TMEM132B: variants seen among roughly 807,000 people sequenced by gnomAD.
TMEM132B encodes transmembrane protein 132B.
Under a neutral mutation model 90.8 loss-of-function variants are expected in TMEM132B, and 18 were observed. That is an observed-to-expected ratio of 0.20 (90% confidence interval 0.14 to 0.29). The LOEUF is 0.29. TMEM132B is among the 10% of genes least tolerant of loss of function. TMEM132B has a pLI of 1.00. For missense variants in TMEM132B, 1,096 were observed against 1,326.8 expected, an observed-to-expected ratio of 0.83 and a Z score of 2.70; for synonymous variants, 504 against 523.3, an observed-to-expected ratio of 0.96 and a Z score of 0.50.
chr12:125,603,866 T>C (rs1183525065), intron 5 of TMEM132B, among the ~76,000 whole-genome samples: 2 of 152,154 alleles, frequency 1.3e-5, no homozygotes, highest in African/African-American at 2.4e-5. Flanking sequence ...CACTGATCAT[T>C]AGAGAAATGC....
chr12:125,315,450 C>T (rs1252876477), intron 1 of TMEM132B, among the ~76,000 whole-genome samples: 3 of 152,182 alleles, frequency 2.0e-5, no homozygotes, highest in East Asian at 1.9e-4. Context: ...CCGCCTGCCT[C>T]GGCCTCCCAA....
At chr12:125,386,207 T>C (rs1878827774) in intron 2 of TMEM132B, among the ~76,000 whole-genome samples, 1 of 152,174 alleles carries the variant, frequency 6.6e-6, no homozygotes, top group Admixed American at 6.5e-5. Flanking sequence ...AGTCTGGTCT[T>C]GAACTCTTGG....
chr12:125,623,143 C>T (rs553357068), intron 5 of TMEM132B, among the ~76,000 whole-genome samples: 19 of 152,246 alleles, frequency 1.2e-4, no homozygotes, highest in South Asian at 8.3e-4. Flanking sequence ...AGATCATCAA[C>T]GCCCAATCCC....
chr12:125,397,060 C>T (rs930173808), intron 2 of TMEM132B, among the ~76,000 whole-genome samples: 1 of 152,034 alleles, frequency 6.6e-6, no homozygotes, highest in Non-Finnish European at 1.5e-5. Flanking sequence ...CAATCTCCCC[C>T]TCCCAGGTTC....
chr12:125,360,936 C>G (rs55817785), intron 2 of TMEM132B, among the ~76,000 whole-genome samples: 1,883 of 152,146 alleles, frequency 0.012, 44 homozygotes, highest in African/African-American at 0.042. Context: ...CACTCCACCT[C>G]TCTGAGCCTT....
Position 125,656,710 on chromosome 12 carries a change from A to G in TMEM132B, c.*2000A>G, listed in dbSNP as rs1887069516. The G allele has an allele frequency of 6.6e-6, 1 of 152,214 alleles. No individual in the cohort carries two copies. The highest frequency in any genetic ancestry group is 2.4e-5 in the African/African-American group (1 of 41,454). 9.4% of individuals were successfully genotyped at this position (152,214 alleles called of 1,614,324 possible). On this transcript the variant is annotated 3_prime_UTR_variant, in exon 9 of 9. Transcript: ENST00000682704. ...TCCTCAGTCAGCCAAAAGCTTTTCA[A>G]AGAGTTTGGTGCAGAGGTAGCTCAG... is the stretch of plus-strand genomic sequence containing the variant.
chr12:125,245,592 C>A (rs968148697), intron 1 of TMEM132B, among the ~76,000 whole-genome samples: 1 of 152,144 alleles, frequency 6.6e-6, no homozygotes, highest in Non-Finnish European at 1.5e-5. Flanking sequence ...AGCAGCTGCT[C>A]CCCGGCAGGA....
intron 2 of TMEM132B, among the ~76,000 whole-genome samples, chr12:125,377,659 C>A (rs1046790293): frequency 6.6e-6 from 1 of 152,076 alleles, no homozygotes; most frequent in Non-Finnish European, 1.5e-5. Flanking sequence ...AATTTTTATT[C>A]CACTATATAG....
rs148970743 is a variant in TMEM132B at position 125,467,702 on chromosome 12, A to G, written c.1107-51737A>G. On this transcript the variant is annotated intron_variant, in intron 3 of 8. Transcript: ENST00000682704. ...GCTGTAGAACCATTTATTCACTCTAATTACAAAACTATTTCGTCACCCTGT... is the reference window on the plus strand; with the variant it reads ...GCTGTAGAACCATTTATTCACTCTAGTTACAAAACTATTTCGTCACCCTGT... 1.4e-4 allele frequency among the ~76,000 whole-genome samples: 21 copies of G among 152,330 alleles called. No homozygotes were observed. In the East Asian group the frequency reaches 4.0e-3, roughly 29 times the overall value.
intron 1 of TMEM132B, among the ~76,000 whole-genome samples, chr12:125,219,273 C>T (rs570401823): frequency 3.3e-5 from 5 of 152,182 alleles, no homozygotes; most frequent in African/African-American, 4.8e-5. Flanking sequence ...ACCGACAGCT[C>T]GAGATGGTCT....
intron 2 of TMEM132B, among the ~76,000 whole-genome samples, chr12:125,393,621 C>T (rs532595817): frequency 1.6e-4 from 24 of 152,138 alleles, no homozygotes; most frequent in Non-Finnish European, 2.9e-4. Flanking sequence ...CCACATCAGT[C>T]GGGGTTCAGG....
At chr12:125,468,786 A>T (rs1480019763) in intron 3 of TMEM132B, among the ~76,000 whole-genome samples, 1 of 152,202 alleles carries the variant, frequency 6.6e-6, no homozygotes, top group Admixed American at 6.5e-5. Context: ...GTTTTAAAAA[A>T]AATTTTCTGC....
At chr12:125,568,618 C>T (rs904323663) in intron 4 of TMEM132B, among the ~76,000 whole-genome samples, 1 of 152,234 alleles carries the variant, frequency 6.6e-6, no homozygotes, top group African/African-American at 2.4e-5. Context: ...AGAATCTCCT[C>T]AAGTGTCGCA....
chr12:125,297,186 A>G (rs1240393600), intron 1 of TMEM132B, among the ~76,000 whole-genome samples: 1 of 152,172 alleles, frequency 6.6e-6, no homozygotes, highest in African/African-American at 2.4e-5. Context: ...TTTCCTACCC[A>G]GTGAGACAAC....
At chr12:125,505,942 A>G (rs1882837448) in intron 3 of TMEM132B, among the ~76,000 whole-genome samples, 1 of 152,232 alleles carries the variant, frequency 6.6e-6, no homozygotes, top group Non-Finnish European at 1.5e-5. Context: ...TTGAAGAGGT[A>G]ATGCTTATAA....
chr12:125,253,005 A>G (rs1874350158), intron 1 of TMEM132B, among the ~76,000 whole-genome samples: 1 of 152,220 alleles, frequency 6.6e-6, no homozygotes, highest in Non-Finnish European at 1.5e-5. Flanking sequence ...CTGTGTCTGG[A>G]GCCCCGTGGA....
intron 4 of TMEM132B, among the ~76,000 whole-genome samples, chr12:125,532,410 C>T (rs1460275740): frequency 7.9e-5 from 12 of 152,144 alleles, no homozygotes; most frequent in Admixed American, 7.9e-4. Context: ...TGGAATTGTC[C>T]TGCTTGTTGG....
In TMEM132B at chr12:125,299,609, C is replaced by T. The variant is rs977836010; in HGVS notation, c.68-49843C>T. On this transcript the variant is annotated intron_variant, in intron 1 of 8. Coordinates refer to ENST00000682704, the MANE Select transcript of TMEM132B (RefSeq NM_001366854.1). ...CCTGTGCATCCTTTGGTCTCCCCAT[C>T]CCAGAAGCAGCACCTCATTGCTCCA... Among the ~76,000 whole-genome samples, 4 of 152,356 alleles carry T rather than the reference C, an allele frequency of 2.6e-5. No homozygotes were observed. In the South Asian group the frequency reaches 8.3e-4, roughly 32 times the overall value.
At chr12:125,320,015 TAA>T (rs375672552) in intron 1 of TMEM132B, among the ~76,000 whole-genome samples, 3 of 142,860 alleles carry the variant, frequency 2.1e-5, no homozygotes, top group South Asian at 2.2e-4. Context: ...AGACCCTGCC[TAA>T]AAAAAAAAAA....
Sources: gnomAD v4.1 joint callset for allele counts (sites outside exome capture counted in the v4.1 genomes callset) on GRCh38, gnomAD v4.1.1 for gene constraint, MANE v1.5 for transcripts, NCBI Gene and HGNC (gene_info 2026-07-23, HGNC 2026-07-21) for gene names.